The following DNAH6 variants were observed in gnomAD, a reference collection of about 807,000 sequenced individuals.
DNAH6 encodes dynein axonemal heavy chain 6.
DNAH6 carries 340 observed loss-of-function variants against 491.4 expected under a neutral mutation model. The ratio of observed to expected loss-of-function variants is 0.69; its 90% confidence interval spans 0.63 to 0.76. The LOEUF (loss-of-function observed/expected upper bound fraction) is 0.76. Among genes scored for constraint, DNAH6 ranks in the 30% least tolerant of loss-of-function variants. The probability of loss-of-function intolerance (pLI) is 0.00; values close to 1 mark genes in which losing one functional copy is unlikely to be tolerated. For missense variants in DNAH6, 4,443 were observed against 4,972.2 expected (o/e 0.89, Z 3.20); for synonymous variants, 1,603 against 1,686.1 (o/e 0.95, Z 1.21).
chr2:84,460,269 C>T, the DNAH6 span, among the ~76,000 whole-genome samples: 3 of 152,134 alleles, frequency 2.0e-5, no homozygotes, highest in Non-Finnish European at 4.4e-5. Context: ...CTTTATGATC[C>T]AAATATTGTC....
chr2:84,495,496 T>A, the DNAH6 span, among the ~76,000 whole-genome samples: 1 of 152,162 alleles, frequency 6.6e-6, no homozygotes, highest in Non-Finnish European at 1.5e-5. Context: ...AAACACTAAC[T>A]TAGAGATCAC....
intron 68 of DNAH6, among the ~76,000 whole-genome samples, chr2:84,791,365 C>T (rs1403560625): frequency 1.3e-5 from 2 of 151,842 alleles, no homozygotes; most frequent in African/African-American, 4.8e-5. Context: ...GAATAAAGTA[C>T]TGATACATAC....
At chr2:84,688,747 A>G (rs1352845962) in intron 45 of DNAH6, among the ~76,000 whole-genome samples, 154 bp downstream of exon 45, 1 of 152,202 alleles carries the variant, frequency 6.6e-6, no homozygotes, top group African/African-American at 2.4e-5. Context: ...ATTGTTTAAC[A>G]TATTTTAAAT....
At chr2:84,815,827 C>G (rs961592208) in intron 75 of DNAH6, 34 bp from the exon 76 acceptor site, 13 of 1,492,232 alleles carry the variant, frequency 8.7e-6, no homozygotes, top group African/African-American at 1.4e-5. Context: ...CCCTTTTCCC[C>G]CATCTCACTT....
At chr2:84,576,568 T>G (rs1368939359) in intron 12 of DNAH6, among the ~76,000 whole-genome samples, 1 of 151,938 alleles carries the variant, frequency 6.6e-6, no homozygotes, top group Non-Finnish European at 1.5e-5. Context: ...GGTACAGAAT[T>G]TTGAAAGACA....
At chr2:84,585,643 C>T (rs1037777506) in intron 15 of DNAH6, among the ~76,000 whole-genome samples, 6 of 152,082 alleles carry the variant, frequency 3.9e-5, no homozygotes, top group Admixed American at 6.5e-5. Context: ...AGCTGGTTTT[C>T]CCGATGTATG....
At chr2:84,745,316 T>C in intron 63 of DNAH6, 67 bp downstream of exon 63, 2 of 1,183,566 alleles carry the variant, frequency 1.7e-6, no homozygotes, top group Non-Finnish European at 2.2e-6. Flanking sequence ...TAGCCAGTTA[T>C]GATTTATAAA....
chr2:84,793,577 C>T (rs149955651), intron 68 of DNAH6, among the ~76,000 whole-genome samples: 144 of 152,242 alleles, frequency 9.5e-4, no homozygotes, highest in African/African-American at 3.4e-3. Context: ...GCTTCAAGTC[C>T]GACCATATTA....
At chr2:84,693,649 A>AGGAGAAT (rs374035202) in intron 45 of DNAH6, among the ~76,000 whole-genome samples, 15,362 of 151,732 alleles carry the variant, frequency 0.1, 1,318 homozygotes, top group African/African-American at 0.23. Context: ...AGGCTGAGGC[A>AGGAGAAT]GGCGTGAACC....
Position 84,544,442 on chromosome 2 carries a change from C to G in DNAH6, c.872C>G (p.Ser291Cys), listed in dbSNP as rs1199928712. 6.5e-7 allele frequency: 1 copy of G among 1,536,090 alleles called. No individual in the cohort carries two copies. Among genetic ancestry groups the G allele is most frequent in the South Asian group, 1.2e-5 (1 of 83,634 alleles). ...AFSVWRKNVR[S>C]KKITGCQKSL... ...AGTGTATGGAGGAAGAATGTCCGCT[C>G]CAAGAAAATCACTGGATGTCAAAAA... The change falls in exon 5 of 77, where the codon TCC becomes TGC. Residue 291 changes from serine to cysteine, a missense_variant. Transcript: ENST00000389394.
At chr2:84,558,819 G>C (rs536008243) in intron 11 of DNAH6, among the ~76,000 whole-genome samples, 2 of 152,146 alleles carry the variant, frequency 1.3e-5, no homozygotes, top group African/African-American at 4.8e-5. Flanking sequence ...ATTATTCCTC[G>C]GCTTGCTTCT....
chr2:84,672,954 T>C (rs1345197092), intron 40 of DNAH6, among the ~76,000 whole-genome samples: 3 of 152,076 alleles, frequency 2.0e-5, no homozygotes, highest in Non-Finnish European at 2.9e-5. Flanking sequence ...CTATATTGAG[T>C]TTTTGCCATG....
At chr2:84,653,115 G>C (rs1236114578) in intron 33 of DNAH6, among the ~76,000 whole-genome samples, 2 of 151,942 alleles carry the variant, frequency 1.3e-5, no homozygotes, top group Admixed American at 1.3e-4. Context: ...TTGGTCTACT[G>C]TACAGGAAAC....
the DNAH6 span, among the ~76,000 whole-genome samples, chr2:84,499,795 A>C: frequency 6.6e-6 from 1 of 152,178 alleles, no homozygotes; most frequent in Non-Finnish European, 1.5e-5. Flanking sequence ...AGGATGTGGA[A>C]CACCTTTTCA....
chr2:84,799,073 C>T (rs2105294625), intron 70 of DNAH6, among the ~76,000 whole-genome samples: 1 of 151,886 alleles, frequency 6.6e-6, no homozygotes, highest in Non-Finnish European at 1.5e-5. Flanking sequence ...CTGCAACCTC[C>T]ACCTCCCAGG....
chr2:84,681,398 A>G lies in DNAH6; in HGVS notation c.6786A>G (p.Val2262=), dbSNP rs1170442873. The G allele has an allele frequency of 5.2e-6, 8 of 1,551,358 alleles. No individual in the cohort carries two copies. In the East Asian group the frequency reaches 7.3e-5, roughly 14 times the overall value. ...NGFLSDFPPA[V]KQTASSIVEA... ...TCCTGAGTGACTTTCCACCAGCTGTAAAGCAAACTGCATCAAGCATTGTAG... is the reference window on the plus strand; with the variant it reads ...TCCTGAGTGACTTTCCACCAGCTGTGAAGCAAACTGCATCAAGCATTGTAG... Residue 2262 remains valine (V), a synonymous_variant, in exon 42 of 77, where the codon GTA becomes GTG. Coordinates refer to ENST00000389394, the MANE Select transcript of DNAH6 (RefSeq NM_001370.2).
chr2:84,789,520 C>T (rs1196840528), intron 68 of DNAH6, among the ~76,000 whole-genome samples: 1 of 152,180 alleles, frequency 6.6e-6, no homozygotes, highest in Non-Finnish European at 1.5e-5. Context: ...ACAATCAAAG[C>T]AATGGCTACC....
rs191771117 is a variant in DNAH6, at chr2:84,596,808, A to G, written c.2868+1019A>G. Reference sequence around the variant, plus strand: ...AATATCTAGTCAAAACACTTTCCCAAGTTGTTTAGGTCAGCTTCTTTCTTT... The same window carrying G: ...AATATCTAGTCAAAACACTTTCCCAGGTTGTTTAGGTCAGCTTCTTTCTTT... On this transcript the variant is annotated intron_variant, in intron 18 of 76. Coordinates refer to ENST00000389394, the MANE Select transcript of DNAH6 (RefSeq NM_001370.2). Among the ~76,000 whole-genome samples, 108 of 152,230 alleles carry G rather than the reference A, an allele frequency of 7.1e-4. 1 individual carries two copies. The highest frequency in any genetic ancestry group is 2.5e-3 in the African/African-American group (102 of 41,530).
intron 35 of DNAH6, 37 bp downstream of exon 35, chr2:84,654,819 G>T (rs936848375): frequency 6.5e-7 from 1 of 1,547,334 alleles, no homozygotes; most frequent in African/African-American, 1.4e-5. Flanking sequence ...ATCTCCATCT[G>T]TCAGGACTCA....
Sources: allele counts gnomAD v4.1 joint callset (sites outside exome capture counted in the v4.1 genomes callset), GRCh38; gene constraint gnomAD v4.1.1; transcripts MANE v1.5; gene names NCBI Gene and HGNC (gene_info 2026-07-23, HGNC 2026-07-21).